Variants in ERAP1 observed in about 807,000 individuals in gnomAD.
The protein encoded by ERAP1 is adipocyte-derived leucine aminopeptidase.
ERAP1 carries 86 observed loss-of-function variants against 103.7 expected under a neutral mutation model. The observed-to-expected ratio is 0.83, with a 90% CI of 0.70 to 0.99. The LOEUF is 0.99. Among genes scored for constraint, ERAP1 ranks in the 50% least tolerant of loss-of-function variants. ERAP1 has a pLI of 0.00. For missense variants in ERAP1, 1,009 were observed against 1,128.4 expected (o/e 0.89, Z 1.52); for synonymous variants, 398 against 402.4 (o/e 0.99, Z 0.13).
chr5:96,880,172 T>C, the ERAP1 span: 2 of 1,614,088 alleles, frequency 1.2e-6, no homozygotes, highest in Middle Eastern at 1.6e-4. Flanking sequence ...CCTGAAATAC[T>C]ATGTGGCTAT....
At chr5:96,794,391 T>C (rs572313487) in intron 5 of ERAP1, among the ~76,000 whole-genome samples, 1 of 152,120 alleles carries the variant, frequency 6.6e-6, no homozygotes, top group African/African-American at 2.4e-5. Context: ...GGTTTTGCCA[T>C]GTTGCCCAGG....
intron 18 of ERAP1, among the ~76,000 whole-genome samples, chr5:96,777,701 A>G (rs1427525737): frequency 6.6e-6 from 1 of 152,224 alleles, no homozygotes; most frequent in Non-Finnish European, 1.5e-5. Flanking sequence ...TACTCAACAA[A>G]GCACATCAAT....
At chr5:96,793,350 G>T in intron 7 of ERAP1, 50 bp downstream of exon 7, 3 of 1,295,640 alleles carry the variant, frequency 2.3e-6, no homozygotes, top group South Asian at 1.2e-5. Context: ...CAGCAATATT[G>T]AACAAAACAA....
At chr5:96,904,896 A>T in the ERAP1 span, among the ~76,000 whole-genome samples, 1 of 152,236 alleles carries the variant, frequency 6.6e-6, no homozygotes, top group African/African-American at 2.4e-5. Flanking sequence ...TAATGAAGTT[A>T]AGAATACAAA....
At chr5:96,898,126 C>G in the ERAP1 span, among the ~76,000 whole-genome samples, 1 of 151,914 alleles carries the variant, frequency 6.6e-6, no homozygotes, top group African/African-American at 2.4e-5. Flanking sequence ...AACCCAGGAG[C>G]TGGAGGTTGC....
At chr5:96,871,189 C>A in the ERAP1 span, among the ~76,000 whole-genome samples, 8 of 152,196 alleles carry the variant, frequency 5.3e-5, no homozygotes, top group Non-Finnish European at 5.9e-5. Flanking sequence ...ATCTGCTGGG[C>A]TCTGCCTTAG....
the ERAP1 span, among the ~76,000 whole-genome samples, chr5:96,894,770 C>A: frequency 6.6e-6 from 1 of 151,918 alleles, no homozygotes; most frequent in Non-Finnish European, 1.5e-5. Context: ...CCTGAGAGCC[C>A]TAAATGAATT....
chr5:96,920,710 C>G, the ERAP1 span, among the ~76,000 whole-genome samples: 4 of 152,186 alleles, frequency 2.6e-5, no homozygotes, highest in Non-Finnish European at 5.9e-5. Flanking sequence ...AAAATTTCAA[C>G]ATATAGTGGT....
chr5:96,850,881 C>T, the ERAP1 span, among the ~76,000 whole-genome samples: 3 of 152,124 alleles, frequency 2.0e-5, no homozygotes, highest in Non-Finnish European at 4.4e-5. Context: ...CTTATCTAGG[C>T]CACTGCTTTC....
At chr5:96,872,217 C>T in the ERAP1 span, among the ~76,000 whole-genome samples, 1 of 151,908 alleles carries the variant, frequency 6.6e-6, no homozygotes, top group East Asian at 1.9e-4. Context: ...AAGCATCTAG[C>T]ACTGTCAGGG....
chr5:96,892,278 A>G, the ERAP1 span: 1 of 1,612,740 alleles, frequency 6.2e-7, no homozygotes, highest in Non-Finnish European at 8.5e-7. Context: ...AAACTCAAGT[A>G]TGGTTGTTCT....
the ERAP1 span, among the ~76,000 whole-genome samples, chr5:96,923,734 G>A: frequency 2.0e-5 from 3 of 151,182 alleles, no homozygotes; most frequent in African/African-American, 7.3e-5. Flanking sequence ...CTTCATACAC[G>A]TCAAAATATC....
chr5:96,830,352 G>A, the ERAP1 span, among the ~76,000 whole-genome samples: 9 of 152,188 alleles, frequency 5.9e-5, no homozygotes, highest in African/African-American at 1.9e-4. Flanking sequence ...TAGGAAATTT[G>A]AAGATGTGCG....
chr5:96,818,492 G>A, the ERAP1 span, among the ~76,000 whole-genome samples: 145 of 151,354 alleles, frequency 9.6e-4, no homozygotes, highest in African/African-American at 3.2e-3. Context: ...TAATGGCTAA[G>A]TTCCCGCTAT....
rs184346155 is a variant in ERAP1, at chr5:96,761,862, C to T, written c.*1338G>A. The T allele has an allele frequency of 1.6e-3, 250 of 155,644 alleles. 1 individual carries two copies. The highest frequency in any genetic ancestry group is 5.2e-3 in the African/African-American group (216 of 41,610). The allele number at this position is 155,644 out of a possible 1,614,324, so 9.6% of individuals were successfully genotyped here. A position where few individuals can be genotyped will look rare whatever the true frequency, so the allele number is the denominator to read the frequency against. ...ACAGGCATGCTTATTCATTGCTTTT[C>T]GCAGTATGAATTCCTAGCAACATTT... is the stretch of plus-strand genomic sequence containing the variant. On this transcript the variant is annotated 3_prime_UTR_variant, in exon 20 of 20. Transcript: ENST00000296754.
chr5:96,810,409 G>A (rs1203834998), upstream of ERAP1, among the ~76,000 whole-genome samples: 1 of 152,202 alleles, frequency 6.6e-6, no homozygotes, highest in Non-Finnish European at 1.5e-5. Flanking sequence ...CTAGCTATGT[G>A]TGCATGTGTG....
the ERAP1 span, among the ~76,000 whole-genome samples, chr5:96,867,240 G>C: frequency 6.6e-6 from 1 of 151,890 alleles, no homozygotes; most frequent in Non-Finnish European, 1.5e-5. Context: ...CTCCTGAGCT[G>C]AGGCAATCCC....
rs536387212 is a variant in ERAP1, at chr5:96,803,904, C to G, written c.23G>C (p.Trp8Ser). 22 of 1,608,262 alleles carry G rather than the reference C, an allele frequency of 1.4e-5. No homozygotes were observed. The highest frequency in any genetic ancestry group is 1.8e-5 in the Non-Finnish European group (21 of 1,180,006). Reference sequence around the variant, plus strand: ...TAGAAATGACATGGTTGCAAGGGACCATTTGAGGGGCAGAAACACCATCTT... The same window carrying G: ...TAGAAATGACATGGTTGCAAGGGACGATTTGAGGGGCAGAAACACCATCTT... MVFLPLK[W>S]SLATMSFLLS... The change falls in exon 2 of 19, where the codon TGG (tryptophan) becomes TCG (serine). Residue 8 changes from tryptophan to serine, a missense_variant. Trp to Ser is a radical substitution (Grantham distance 177, BLOSUM62 -3). Transcript: ENST00000443439.
At chr5:96,892,500 T>G in the ERAP1 span, 1 of 1,605,844 alleles carries the variant, frequency 6.2e-7, no homozygotes, top group Non-Finnish European at 8.5e-7. Flanking sequence ...CAAAATAACA[T>G]TATATAGAAC....
Sources: allele counts gnomAD v4.1 joint callset (sites outside exome capture counted in the v4.1 genomes callset), GRCh38; gene constraint gnomAD v4.1.1; transcripts MANE v1.5; gene names NCBI Gene and HGNC (gene_info 2026-07-23, HGNC 2026-07-21).